FOXK2: variants seen among roughly 807,000 people sequenced by gnomAD.
The protein encoded by FOXK2 is forkhead box K2.
In FOXK2, 24 loss-of-function variants were observed where a neutral mutation model predicts 53.3. That is an observed-to-expected ratio of 0.45 (90% CI 0.33 to 0.63). The LOEUF (loss-of-function observed/expected upper bound fraction) is 0.63, where lower values mean the gene tolerates loss of function less well. Among genes scored for constraint, FOXK2 ranks in the 30% least tolerant of loss-of-function variants. The pLI, the probability that FOXK2 is intolerant of heterozygous loss-of-function variation, is 0.03. For missense variants in FOXK2, 952 were observed against 910.5 expected (o/e 1.05, Z -0.59); for synonymous variants, 505 against 407.1 (o/e 1.24, Z -2.89).
chr17:82,550,841 G>A (rs907885904), intron 1 of FOXK2, among the ~76,000 whole-genome samples: 4 of 152,174 alleles, frequency 2.6e-5, no homozygotes, highest in Non-Finnish European at 5.9e-5. Flanking sequence ...GGCCACACAA[G>A]CCTGAAACCG....
chr17:82,586,206 C>G lies in FOXK2; in HGVS notation c.1576+6C>G, dbSNP rs371191802. On this transcript the variant is annotated splice_donor_region_variant and intron_variant, in intron 7 of 8. Transcript: ENST00000335255. ...AGACCACAGGGAAGTCAAAGGTAGG[C>G]GGAGGGGAAAGGAGGAGAGGGGAGA... 1.1e-5 allele frequency: 16 copies of G among 1,493,958 alleles called. No individual in the cohort carries two copies. The East Asian group carries it at 2.9e-4, about 27-fold the overall frequency. The allele number at this position is 1,493,958 out of a possible 1,614,324, so 92.5% of individuals were successfully genotyped here.
chr17:82,525,371 G>C (rs1370980098), intron 1 of FOXK2, among the ~76,000 whole-genome samples: 1 of 151,984 alleles, frequency 6.6e-6, no homozygotes, highest in Non-Finnish European at 1.5e-5. Context: ...GTAGAGACGG[G>C]GTTTCACCAT....
intron 1 of FOXK2, among the ~76,000 whole-genome samples, chr17:82,560,112 T>C (rs2044776984): frequency 1.3e-5 from 2 of 151,372 alleles, no homozygotes; most frequent in Admixed American, 1.3e-4. Flanking sequence ...TTCAAGAGAT[T>C]CTCCTGCCTT....
chr17:82,593,625 A>G (rs1215840407), intron 8 of FOXK2: 1 of 152,316 alleles, frequency 6.6e-6, no homozygotes, highest in African/African-American at 2.4e-5. Context: ...GGACCCTTGC[A>G]GAGGGAGCAG....
At chr17:82,533,818 G>C (rs949087153) in intron 1 of FOXK2, among the ~76,000 whole-genome samples, 1 of 151,722 alleles carries the variant, frequency 6.6e-6, no homozygotes, top group Non-Finnish European at 1.5e-5. Flanking sequence ...GTGACGCACA[G>C]CTGTAGGTTA....
At position 82,587,183 on chromosome 17, in the gene FOXK2, G is replaced by A. The variant is rs1598233374; in HGVS notation, c.1697G>A (p.Gly566Asp). 10 of 1,613,030 alleles carry A rather than the reference G, an allele frequency of 6.2e-6. No homozygotes were observed. The East Asian group carries it at 2.0e-4, about 32-fold the overall frequency. The change falls in exon 8 of 9, where the codon GGT (glycine) becomes GAT (aspartate). Residue 566 changes from glycine to aspartate, a missense_variant. Gly to Asp is a moderately conservative substitution (Grantham distance 94, BLOSUM62 -1). Coordinates refer to ENST00000335255, the MANE Select transcript of FOXK2 (RefSeq NM_004514.4). Reference sequence around the variant, plus strand: ...ACCATAGTACAACAGGCACCTCTAGGTCAACACCAGCTACCAATAAAAACT... The same window carrying A: ...ACCATAGTACAACAGGCACCTCTAGATCAACACCAGCTACCAATAAAAACT... ...TVTIVQQAPL[G>D]QHQLPIKTVT...
chr17:82,587,574 G>T, intron 8 of FOXK2: 1 of 425,108 alleles, frequency 2.4e-6, no homozygotes, highest in Non-Finnish European at 4.4e-6. Context: ...GAAACGGCGG[G>T]AGCCGCCGCG....
chr17:82,552,896 C>T (rs891408837), intron 1 of FOXK2, among the ~76,000 whole-genome samples: 8 of 152,128 alleles, frequency 5.3e-5, no homozygotes, highest in East Asian at 1.9e-4. Flanking sequence ...TAGGTCACCC[C>T]GTTACGTAAA....
intron 8 of FOXK2, chr17:82,599,608 C>T (rs982159237): frequency 2.0e-5 from 3 of 152,220 alleles, no homozygotes; most frequent in African/African-American, 4.8e-5. Flanking sequence ...ACTGGGTCCC[C>T]GTTTGCTGCT....
At chr17:82,583,543 G>A (rs537678914) in intron 5 of FOXK2, among the ~76,000 whole-genome samples, 38 of 152,336 alleles carry the variant, frequency 2.5e-4, no homozygotes, top group African/African-American at 7.2e-4. Flanking sequence ...GCGAAACTCC[G>A]TCTCAAAACA....
At chr17:82,554,889 G>T (rs1469189782) in intron 1 of FOXK2, among the ~76,000 whole-genome samples, 3 of 152,096 alleles carry the variant, frequency 2.0e-5, no homozygotes, top group Admixed American at 2.0e-4. Flanking sequence ...GGGATTACAG[G>T]TGTGGGCCAC....
At chr17:82,592,658 G>A (rs1019944739) in intron 8 of FOXK2, among the ~76,000 whole-genome samples, 2 of 152,244 alleles carry the variant, frequency 1.3e-5, no homozygotes, top group Non-Finnish European at 2.9e-5. Flanking sequence ...CTTCTTCCTT[G>A]TGTAGCAGTT....
At chr17:82,549,971 G>C (rs1162078178) in intron 1 of FOXK2, among the ~76,000 whole-genome samples, 1 of 152,194 alleles carries the variant, frequency 6.6e-6, no homozygotes, top group Non-Finnish European at 1.5e-5. Flanking sequence ...GGGAGATTGA[G>C]GTGGGTGCAT....
chr17:82,598,500 T>C (rs910748281), intron 8 of FOXK2, among the ~76,000 whole-genome samples: 2 of 152,212 alleles, frequency 1.3e-5, no homozygotes, highest in African/African-American at 4.8e-5. Context: ...ACACCCAAGA[T>C]GGAAGACTTT....
chr17:82,604,103 TC>T lies in FOXK2; in HGVS notation c.*2607del, dbSNP rs915380934. 3.9e-5 allele frequency: 6 copies of T among 152,274 alleles called. No homozygotes were observed. Among genetic ancestry groups the T allele is most frequent in the African/African-American group, 1.4e-4 (6 of 41,460 alleles). 9.4% of individuals were successfully genotyped at this position (152,274 alleles called of 1,614,324 possible). On this transcript the variant is annotated 3_prime_UTR_variant, in exon 9 of 9. Transcript: ENST00000335255. ...CGTCCTCAGCTGCGTCGCTGTGAAC[TC>T]CCGCTCTCCACTGTGTTCCTCAGTG...
intron 1 of FOXK2, among the ~76,000 whole-genome samples, chr17:82,551,818 A>G (rs1599892488): frequency 1.3e-5 from 2 of 152,176 alleles, no homozygotes; most frequent in East Asian, 3.9e-4. Flanking sequence ...AGCTCTGTCA[A>G]GCTGTTTATT....
chr17:82,565,519 G>A (rs2044843191), intron 2 of FOXK2, among the ~76,000 whole-genome samples: 1 of 152,162 alleles, frequency 6.6e-6, no homozygotes, highest in South Asian at 2.1e-4. Flanking sequence ...TTGTTTCAAA[G>A]AAGATATAGA....
In FOXK2 at chr17:82,574,922, G is replaced by C. The variant is rs139567135; in HGVS notation, c.909+3052G>C. Among the ~76,000 whole-genome samples, 176 of 152,314 alleles carry C rather than the reference G, an allele frequency of 1.2e-3. 1 individual carries two copies. The East Asian group carries it at 0.031, about 27-fold the overall frequency. ...TGTTTGCATTTACGTCCTATGATTT[G>C]ATTTTTTCATGGTACAAAAGTATTT... On this transcript the variant is annotated intron_variant, in intron 4 of 8. Coordinates refer to ENST00000335255, the MANE Select transcript of FOXK2 (RefSeq NM_004514.4).
intron 1 of FOXK2, among the ~76,000 whole-genome samples, chr17:82,555,729 A>C (rs78315031): frequency 3.2e-5 from 2 of 63,464 alleles, no homozygotes; most frequent in Non-Finnish European, 9.3e-5. Flanking sequence ...CTAAAAATAC[A>C]AAAAAAAAAA....
Sources: gnomAD v4.1 joint callset for allele counts (sites outside exome capture counted in the v4.1 genomes callset) on GRCh38, gnomAD v4.1.1 for gene constraint, MANE v1.5 for transcripts, NCBI Gene and HGNC (gene_info 2026-07-23, HGNC 2026-07-21) for gene names.